GXYLT1: variants seen among roughly 807,000 people sequenced by gnomAD.
GXYLT1 encodes the protein glucoside xylosyltransferase 1.
GXYLT1 carries 29 observed loss-of-function variants against 54.0 expected under a neutral mutation model. That is an observed-to-expected ratio of 0.54 (90% CI 0.40 to 0.73). The LOEUF (loss-of-function observed/expected upper bound fraction) is 0.73. Among genes scored for constraint, GXYLT1 ranks in the 30% least tolerant of loss-of-function variants. The pLI, the probability that GXYLT1 is intolerant of heterozygous loss-of-function variation, is 0.00. For synonymous variants in GXYLT1, 176 were observed against 204.1 expected (o/e 0.86, Z 1.17); for missense variants, 490 against 553.4 (o/e 0.89, Z 1.15).
intron 3 of GXYLT1, among the ~76,000 whole-genome samples, chr12:42,117,170 C>A (rs1592116390): frequency 6.6e-6 from 1 of 151,624 alleles, no homozygotes; most frequent in East Asian, 1.9e-4. Context: ...GGAGACATAC[C>A]TAATGCTAAA....
chr12:42,109,949 GA>G (rs1369962719), intron 3 of GXYLT1, among the ~76,000 whole-genome samples: 2 of 152,120 alleles, frequency 1.3e-5, no homozygotes, highest in African/African-American at 4.8e-5. Context: ...CCCAAAATCA[GA>G]AAGGTGAAAG....
chr12:42,109,747 T>A, intron 3 of GXYLT1, 56 bp from the exon 4 acceptor site: 1 of 1,145,676 alleles, frequency 8.7e-7, no homozygotes, highest in Non-Finnish European at 1.2e-6. Context: ...CTCTGTAAAA[T>A]CATAAAACAA....
chr12:42,140,424 A>G (rs2065645531), intron 1 of GXYLT1, among the ~76,000 whole-genome samples: 1 of 152,070 alleles, frequency 6.6e-6, no homozygotes. Context: ...TTAAAATTTA[A>G]ATTACCAAAA....
chr12:42,102,099 C>T (rs2065393506), intron 5 of GXYLT1, among the ~76,000 whole-genome samples: 1 of 152,144 alleles, frequency 6.6e-6, no homozygotes, highest in African/African-American at 2.4e-5. Context: ...TGACCAAATA[C>T]ATGTATGTTA....
intron 5 of GXYLT1, among the ~76,000 whole-genome samples, chr12:42,105,456 C>T (rs2065413678): frequency 6.6e-6 from 1 of 152,158 alleles, no homozygotes; most frequent in Admixed American, 6.5e-5. Flanking sequence ...TTAACTGCAA[C>T]TCCATGTTGT....
chr12:42,128,653 T>C (rs1196850594), intron 2 of GXYLT1, among the ~76,000 whole-genome samples: 2 of 152,204 alleles, frequency 1.3e-5, no homozygotes, highest in Non-Finnish European at 2.9e-5. Context: ...GTCCAGTGCT[T>C]ACCACCTAGC....
intron 4 of GXYLT1, among the ~76,000 whole-genome samples, chr12:42,107,880 C>A (rs1019401157): frequency 2.0e-5 from 3 of 152,100 alleles, no homozygotes; most frequent in Non-Finnish European, 4.4e-5. Flanking sequence ...ATGCTGGGAG[C>A]CACTACCAGC....
At chr12:42,109,480 T>A in intron 4 of GXYLT1, 86 bp downstream of exon 4, 1 of 877,052 alleles carries the variant, frequency 1.1e-6, no homozygotes, top group Non-Finnish European at 1.6e-6. Context: ...TGGAATTATA[T>A]GTAACTCTTC....
chr12:42,115,936 A>T (rs564643737), intron 3 of GXYLT1, among the ~76,000 whole-genome samples: 1 of 129,948 alleles, frequency 7.7e-6, no homozygotes, highest in Non-Finnish European at 1.7e-5. Flanking sequence ...ACAGAGATAT[A>T]GACCAATGGA....
intron 2 of GXYLT1, among the ~76,000 whole-genome samples, chr12:42,126,073 CT>C (rs35070036): frequency 2.4e-3 from 327 of 135,192 alleles, no homozygotes; most frequent in Middle Eastern, 3.7e-3. Flanking sequence ...CCAGTAGGAA[CT>C]TTTTTTTTTT....
chr12:42,094,159 G>C (rs556315809), intron 7 of GXYLT1, among the ~76,000 whole-genome samples: 1 of 151,842 alleles, frequency 6.6e-6, no homozygotes, highest in Non-Finnish European at 1.5e-5. Flanking sequence ...TTCAAGACTA[G>C]CCTGAGCAAC....
intron 3 of GXYLT1, among the ~76,000 whole-genome samples, chr12:42,117,355 AAAT>A (rs1186087817): frequency 1.3e-5 from 2 of 152,140 alleles, no homozygotes; most frequent in Non-Finnish European, 2.9e-5. Flanking sequence ...CAGATACTAA[AAAT>A]ATTTTTAAAC....
chr12:42,132,060 T>C (rs1269597019), intron 1 of GXYLT1, among the ~76,000 whole-genome samples: 6 of 152,162 alleles, frequency 3.9e-5, no homozygotes, highest in Admixed American at 3.3e-4. Context: ...AATTTTTCTA[T>C]AAAATTAATT....
chr12:42,104,254 C>CT (rs200928276), intron 5 of GXYLT1, among the ~76,000 whole-genome samples: 19,976 of 98,276 alleles, frequency 0.2, 1,452 homozygotes, highest in Non-Finnish European at 0.23. Context: ...TGAGAAGTCA[C>CT]ATTTTTTTTT....
At chr12:42,091,290 TTTTTA>T (rs2065327611) in intron 7 of GXYLT1, among the ~76,000 whole-genome samples, 2 of 152,060 alleles carry the variant, frequency 1.3e-5, no homozygotes, top group South Asian at 4.2e-4. Flanking sequence ...AAATAAGATT[TTTTTA>T]AAAAAAAATC....
rs1236942385 is a variant in GXYLT1 at position 42,144,647 on chromosome 12, C to G, written c.-1G>C. 7.0e-7 allele frequency: 1 copy of G among 1,437,288 alleles called. No individual in the cohort carries two copies. Among genetic ancestry groups the G allele is most frequent in the South Asian group, 1.4e-5 (1 of 72,842 alleles). 89.0% of individuals were successfully genotyped at this position (1,437,288 alleles called of 1,614,324 possible). Reference sequence around the variant, plus strand: ...CCACGACGCGCAGGTAGCGCCGCATCGCCCCGGCCGCGCTCCTCCTTCGCC... The same window carrying G: ...CCACGACGCGCAGGTAGCGCCGCATGGCCCCGGCCGCGCTCCTCCTTCGCC... On this transcript the variant is annotated 5_prime_UTR_variant, in exon 1 of 8. Transcript: ENST00000398675.
At chr12:42,103,346 C>A (rs888897189) in intron 5 of GXYLT1, among the ~76,000 whole-genome samples, 2 of 152,266 alleles carry the variant, frequency 1.3e-5, no homozygotes, top group South Asian at 2.1e-4. Context: ...GACAGCAAGG[C>A]AAATAAATAA....
At chr12:42,110,395 G>T (rs12300748) in intron 3 of GXYLT1, among the ~76,000 whole-genome samples, 3 of 152,074 alleles carry the variant, frequency 2.0e-5, no homozygotes, top group Non-Finnish European at 2.9e-5. Context: ...CTATGGGGGG[G>T]AAAAAACTAA....
At chr12:42,125,493 G>C (rs1390289215) in intron 2 of GXYLT1, among the ~76,000 whole-genome samples, 2 of 152,220 alleles carry the variant, frequency 1.3e-5, no homozygotes, top group African/African-American at 4.8e-5. Context: ...AGATCATTTA[G>C]AAAGCAGCGT....
Sources: allele counts gnomAD v4.1 joint callset (sites outside exome capture counted in the v4.1 genomes callset), GRCh38; gene constraint gnomAD v4.1.1; transcripts MANE v1.5; gene names NCBI Gene and HGNC (gene_info 2026-07-23, HGNC 2026-07-21).